DZIP1: variants seen among roughly 807,000 people sequenced by gnomAD.
DZIP1 encodes the protein DAZ interacting zinc finger protein 1.
Under a neutral mutation model 107.6 loss-of-function variants are expected in DZIP1, and 97 were observed. The ratio of observed to expected loss-of-function variants is 0.90; its 90% CI spans 0.77 to 1.07. The LOEUF is 1.07. Among genes scored for constraint, DZIP1 ranks in the 50% least tolerant of loss-of-function variants. The pLI is 0.00. For synonymous variants in DZIP1, 390 were observed against 386.4 expected, an observed-to-expected ratio of 1.01 and a Z score of -0.11; for missense variants, 1,035 against 1,063.6, an observed-to-expected ratio of 0.97 and a Z score of 0.37.
At position 95,630,121 on chromosome 13, in the gene DZIP1, A is replaced by G. The variant is rs748825942; in HGVS notation, c.686-8T>C. ...GTGCATTTTTCTGATACTCTGTTGC[A>G]ACAGAAAATCGTGTTAAAACACCAT... is the stretch of plus-strand genomic sequence containing the variant. On this transcript the variant is annotated splice_region_variant and splice_polypyrimidine_tract_variant and intron_variant, in intron 6 of 22. Coordinates refer to ENST00000376829, the MANE Select transcript of DZIP1 (RefSeq NM_198968.4). 5.0e-6 allele frequency: 8 copies of G among 1,608,040 alleles called. No individual in the cohort carries two copies. Among genetic ancestry groups the G allele is most frequent in the African/African-American group, 1.3e-5 (1 of 74,664 alleles).
Position 95,584,700 on chromosome 13 carries a change from T to C in DZIP1, c.2524+36A>G, listed in dbSNP as rs374712448. On this transcript the variant is annotated intron_variant, in intron 22 of 22. Coordinates refer to ENST00000376829, the MANE Select transcript of DZIP1 (RefSeq NM_198968.4). ...AGATGAAACACAACTAATAAGAAAA[T>C]GGATCGAGCTTGTATTAGAGGGGAA... 1.5e-5 allele frequency: 23 copies of C among 1,574,598 alleles called. No homozygotes were observed. The African/African-American group carries it at 2.9e-4, about 20-fold the overall frequency.
At chr13:95,614,947 CAT>C (rs1425826270) in intron 10 of DZIP1, among the ~76,000 whole-genome samples, 6 of 152,302 alleles carry the variant, frequency 3.9e-5, no homozygotes, top group Admixed American at 3.3e-4. Flanking sequence ...AGGCACCAAT[CAT>C]GTGGAATAAT....
chr13:95,582,138 G>A lies in DZIP1; in HGVS notation c.*96C>T. 1.7e-6 allele frequency: 2 copies of A among 1,182,314 alleles called. No homozygotes were observed. Among genetic ancestry groups the A allele is most frequent in the Non-Finnish European group, 2.5e-6 (2 of 794,574 alleles). 73.2% of individuals were successfully genotyped at this position (1,182,314 alleles called of 1,614,324 possible). A position where few individuals can be genotyped will look rare whatever the true frequency, so the allele number is the denominator to read the frequency against. On this transcript the variant is annotated 3_prime_UTR_variant, in exon 23 of 23. Transcript: ENST00000376829. ...TCTCTGTGTTGCTGTGGGAAACACG[G>A]TAAGGCAGAAGCACTAGAATCATGG...
Position 95,580,551 on chromosome 13 carries a change from G to A in DZIP1, c.*1683C>T, listed in dbSNP as rs1424954763. On this transcript the variant is annotated 3_prime_UTR_variant, in exon 23 of 23. Transcript: ENST00000376829. ...CCCCTTGACACTTTGTACTTGTATG[G>A]CTTCTGGCAACTTACTTAATAACTC... 2.6e-5 allele frequency: 4 copies of A among 152,114 alleles called. No individual in the cohort carries two copies. 9.4% of individuals were successfully genotyped at this position (152,114 alleles called of 1,614,324 possible).
rs567265709 is a variant in DZIP1 at position 95,624,872 on chromosome 13, T to C, written c.868A>G (p.Lys290Glu). 1 of 1,612,800 alleles carries C rather than the reference T, an allele frequency of 6.2e-7. No homozygotes were observed. The highest frequency in any genetic ancestry group is 1.1e-5 in the South Asian group (1 of 90,936). Residue 290 changes from lysine to glutamate, a missense_variant, in exon 8 of 23, where the codon AAA (lysine) becomes GAA (glutamate). Physicochemically the swap from Lys to Glu is moderately conservative, Grantham distance 56. Transcript: ENST00000376829. Reference protein sequence around the residue: ...EDFLKLFDRWKEEEKEKLVDE... With the variant: ...EDFLKLFDRWEEEEKEKLVDE... ...ACTAGTTTCTCCTTTTCTTCTTCTT[T>C]CCACCTGTCAAATAACTTCAAAAAG...
intron 13 of DZIP1, among the ~76,000 whole-genome samples, chr13:95,607,292 C>G (rs1238910911): frequency 6.6e-6 from 1 of 152,182 alleles, no homozygotes; most frequent in East Asian, 1.9e-4. Flanking sequence ...AGTGATCCAC[C>G]TGCCTTGGTC....
chr13:95,603,238 T>C (rs978036377), intron 14 of DZIP1, among the ~76,000 whole-genome samples: 4 of 139,042 alleles, frequency 2.9e-5, no homozygotes, highest in African/African-American at 1.1e-4. Flanking sequence ...GCCCAGAAAG[T>C]TGAGGCTGCA....
chr13:95,591,372 T>C (rs905211216), intron 16 of DZIP1, among the ~76,000 whole-genome samples: 10 of 152,166 alleles, frequency 6.6e-5, no homozygotes, highest in Admixed American at 6.5e-4. Flanking sequence ...AAGAGACAAT[T>C]TGAGAAAAGT....
chr13:95,578,272 T>C lies in DZIP1; in HGVS notation c.*3962A>G, dbSNP rs1792530372. On this transcript the variant is annotated 3_prime_UTR_variant, in exon 23 of 23. Transcript: ENST00000376829. Reference sequence around the variant, plus strand: ...ATGTTTTCTACATTTATATAGAACATGAAAAGCATTTAGTACCAAAGGTTC... The same window carrying C: ...ATGTTTTCTACATTTATATAGAACACGAAAAGCATTTAGTACCAAAGGTTC... 1.1e-5 allele frequency: 3 copies of C among 273,424 alleles called. No individual in the cohort carries two copies. The highest frequency in any genetic ancestry group is 1.3e-4 in the South Asian group (2 of 15,118). The allele number at this position is 273,424 out of a possible 1,614,324, so 16.9% of individuals were successfully genotyped here.
intron 9 of DZIP1, 23 bp downstream of exon 9, chr13:95,622,320 A>C: frequency 6.2e-7 from 1 of 1,614,080 alleles, no homozygotes; most frequent in Non-Finnish European, 8.5e-7. Context: ...CATCCACTGC[A>C]GCTGTCACCC....
intron 8 of DZIP1, among the ~76,000 whole-genome samples, chr13:95,622,896 C>T (rs1876074526): frequency 6.6e-6 from 1 of 152,076 alleles, no homozygotes; most frequent in Non-Finnish European, 1.5e-5. Context: ...GCGTGCACCA[C>T]CACACCCAGA....
At position 95,597,977 on chromosome 13, in the gene DZIP1, T is replaced by C. The variant is rs550601933; in HGVS notation, c.1537+1388A>G. On this transcript the variant is annotated intron_variant, in intron 15 of 22. Coordinates refer to ENST00000376829, the MANE Select transcript of DZIP1 (RefSeq NM_198968.4). ...GGTGGTCTTTAAGGTGCTGGAAGTG[T>C]CTGGGAATGACCCCTCCAGCAATTT... Among the ~76,000 whole-genome samples the C allele has an allele frequency of 2.6e-5, 4 of 152,300 alleles. No individual in the cohort carries two copies. In the East Asian group the frequency reaches 7.7e-4, roughly 29 times the overall value.
intron 16 of DZIP1, 69 bp downstream of exon 16, chr13:95,593,875 T>C: frequency 2.6e-6 from 4 of 1,531,956 alleles, no homozygotes; most frequent in Non-Finnish European, 3.5e-6. Flanking sequence ...TTCTCTTCCA[T>C]GATCATTTCT....
chr13:95,590,019 C>T, intron 17 of DZIP1, 87 bp from the exon 18 acceptor site: 6 of 1,473,718 alleles, frequency 4.1e-6, no homozygotes, highest in Non-Finnish European at 5.5e-6. Context: ...ACCCCCTATG[C>T]TGCTGTGGCA....
chr13:95,612,291 C>A (rs778959712), intron 10 of DZIP1, 114 bp from the exon 11 acceptor site: 5 of 1,154,394 alleles, frequency 4.3e-6, no homozygotes, highest in African/African-American at 1.5e-5. Flanking sequence ...GCTATCCGTG[C>A]GCATCAAGTC....
At chr13:95,638,696 G>A (rs575261345) in intron 5 of DZIP1, among the ~76,000 whole-genome samples, 8 of 152,176 alleles carry the variant, frequency 5.3e-5, no homozygotes, top group Admixed American at 1.3e-4. Flanking sequence ...CCATTAGGAT[G>A]CGTGCGTGTG....
intron 10 of DZIP1, among the ~76,000 whole-genome samples, chr13:95,615,692 T>A (rs539729143): frequency 1.3e-5 from 2 of 152,294 alleles, no homozygotes; most frequent in Non-Finnish European, 2.9e-5. Flanking sequence ...CTGCCTGTTT[T>A]CCTTCCCGGC....
intron 22 of DZIP1, among the ~76,000 whole-genome samples, chr13:95,583,389 A>G (rs2044063139): frequency 6.6e-6 from 1 of 152,146 alleles, no homozygotes. Context: ...TCAACAGTTA[A>G]TATCTAAAGT....
intron 15 of DZIP1, among the ~76,000 whole-genome samples, chr13:95,597,260 G>A (rs567666239): frequency 2.0e-5 from 3 of 150,818 alleles, no homozygotes; most frequent in South Asian, 2.1e-4. Context: ...TCACTGAGTC[G>A]TTTTTCAAAT....
Sources: allele counts gnomAD v4.1 joint callset (sites outside exome capture counted in the v4.1 genomes callset), GRCh38; gene constraint gnomAD v4.1.1; transcripts MANE v1.5; gene names NCBI Gene and HGNC (gene_info 2026-07-23, HGNC 2026-07-21).